Variants in VWC2L observed in about 807,000 individuals in gnomAD.
VWC2L encodes the protein von Willebrand factor C domain-containing protein 2-like.
VWC2L carries 10 observed loss-of-function variants against 21.6 expected under a neutral mutation model. That is an observed-to-expected ratio of 0.46 (90% CI 0.29 to 0.78). The LOEUF is 0.78. VWC2L is among the 30% of genes least tolerant of loss of function. The pLI is 0.10. For missense variants in VWC2L, 209 were observed against 277.1 expected, an observed-to-expected ratio of 0.75 and a Z score of 1.74; for synonymous variants, 96 against 94.3, an observed-to-expected ratio of 1.02 and a Z score of -0.10.
At chr2:214,571,909 C>A (rs1017673613) in intron 3 of VWC2L, among the ~76,000 whole-genome samples, 1 of 152,130 alleles carries the variant, frequency 6.6e-6, no homozygotes, top group Non-Finnish European at 1.5e-5. Context: ...CAGTCAGCCT[C>A]CCCAGTATCT....
chr2:214,525,440 C>G (rs1434004264), intron 3 of VWC2L: 1 of 152,112 alleles, frequency 6.6e-6, no homozygotes, highest in East Asian at 1.9e-4. Context: ...GAGGTTGTTT[C>G]CAGAGTCAAT....
At chr2:214,469,296 A>G (rs1040837890) in intron 3 of VWC2L, among the ~76,000 whole-genome samples, 7 of 152,178 alleles carry the variant, frequency 4.6e-5, no homozygotes. Flanking sequence ...CCTCCTCACT[A>G]AAAGCTCCTT....
At position 214,416,903 on chromosome 2, in the gene VWC2L, TAA is replaced by T. The variant is rs1405460114; in HGVS notation, c.390+2321_390+2322del. Among the ~76,000 whole-genome samples, 1,212 of 152,260 alleles carry T rather than the reference TAA, an allele frequency of 8.0e-3. 16 individuals carry two copies. Among genetic ancestry groups the T allele is most frequent in the African/African-American group, 0.026 (1,094 of 41,572 alleles). On this transcript the variant is annotated intron_variant, in intron 2 of 3. Transcript: ENST00000312504. ...AAATAAATGATTGTCCCCTCCTTCTTAACTCTAATATCCAGGGATTTACTCTA... is the reference window on the plus strand; with the variant it reads ...AAATAAATGATTGTCCCCTCCTTCTTCTCTAATATCCAGGGATTTACTCTA...
intron 3 of VWC2L, among the ~76,000 whole-genome samples, chr2:214,479,282 A>G (rs964244749): frequency 5.9e-5 from 9 of 152,352 alleles, no homozygotes; most frequent in East Asian, 3.9e-4. Context: ...AATCCTTTCC[A>G]TAAAAATATC....
At chr2:214,541,387 T>C (rs1689624152) in intron 3 of VWC2L, among the ~76,000 whole-genome samples, 1 of 152,214 alleles carries the variant, frequency 6.6e-6, no homozygotes, top group South Asian at 2.1e-4. Flanking sequence ...ATCTGTGGAC[T>C]CCTAATCCCA....
intron 3 of VWC2L, among the ~76,000 whole-genome samples, chr2:214,515,736 G>A (rs1442234505): frequency 2.0e-5 from 3 of 151,974 alleles, no homozygotes; most frequent in African/African-American, 4.8e-5. Flanking sequence ...TGTATTTTCA[G>A]TAGAGATGGG....
At chr2:214,466,274 T>G (rs1703216356) in intron 3 of VWC2L, among the ~76,000 whole-genome samples, 1 of 151,786 alleles carries the variant, frequency 6.6e-6, no homozygotes, top group African/African-American at 2.4e-5. Flanking sequence ...GGGTTGACAT[T>G]TTTTTTTCTT....
intron 3 of VWC2L, among the ~76,000 whole-genome samples, chr2:214,480,875 A>G (rs1256822513): frequency 1.9e-5 from 2 of 105,818 alleles, no homozygotes; most frequent in East Asian, 6.9e-4. Context: ...AAAAAAAAAA[A>G]AAAAAAAAAA....
chr2:214,460,612 T>G (rs1703125636), intron 3 of VWC2L, among the ~76,000 whole-genome samples: 1 of 152,208 alleles, frequency 6.6e-6, no homozygotes, highest in Non-Finnish European at 1.5e-5. Flanking sequence ...ATTCCAGGAT[T>G]CATTTGGTTC....
chr2:214,533,461 C>T (rs1256228520), intron 3 of VWC2L, among the ~76,000 whole-genome samples: 1 of 151,656 alleles, frequency 6.6e-6, no homozygotes, highest in Non-Finnish European at 1.5e-5. Flanking sequence ...TGCTATCTAA[C>T]TTCCACTTTG....
At chr2:214,535,028 G>A (rs1021285666) in intron 3 of VWC2L, among the ~76,000 whole-genome samples, 4 of 151,958 alleles carry the variant, frequency 2.6e-5, no homozygotes, top group South Asian at 2.1e-4. Context: ...ACGGATAGGC[G>A]GAATGGAATC....
At position 214,517,015 on chromosome 2, in the gene VWC2L, C is replaced by G. The variant is rs1008229965; in HGVS notation, c.521-58657C>G. ...TCTCACTCTCATTCTCACTTTTGCTCTCTCCCCTGCATCATCAATGTTTTT... is the reference window on the plus strand; with the variant it reads ...TCTCACTCTCATTCTCACTTTTGCTGTCTCCCCTGCATCATCAATGTTTTT... On this transcript the variant is annotated intron_variant, in intron 3 of 3. Coordinates refer to ENST00000312504, the MANE Select transcript of VWC2L (RefSeq NM_001080500.4). Among the ~76,000 whole-genome samples, 26 of 152,338 alleles carry G rather than the reference C, an allele frequency of 1.7e-4. 1 individual carries two copies. In the East Asian group the frequency reaches 5.0e-3, roughly 29 times the overall value.
intron 3 of VWC2L, among the ~76,000 whole-genome samples, chr2:214,468,421 T>C (rs1703257046): frequency 6.6e-6 from 1 of 152,190 alleles, no homozygotes; most frequent in Non-Finnish European, 1.5e-5. Flanking sequence ...AGCTTTCACA[T>C]CCAGATTTTT....
At chr2:214,562,689 G>C (rs1322097257) in intron 3 of VWC2L, among the ~76,000 whole-genome samples, 1 of 152,198 alleles carries the variant, frequency 6.6e-6, no homozygotes, top group Non-Finnish European at 1.5e-5. Context: ...ACTGGCATGA[G>C]ATGGTTGGCA....
intron 3 of VWC2L, among the ~76,000 whole-genome samples, chr2:214,464,075 A>C (rs1183000851): frequency 6.6e-6 from 1 of 152,100 alleles, no homozygotes; most frequent in Non-Finnish European, 1.5e-5. Context: ...CAATTTTATC[A>C]AGCATCCTGA....
At chr2:214,497,414 T>A (rs571195949) in intron 3 of VWC2L, among the ~76,000 whole-genome samples, 1 of 152,332 alleles carries the variant, frequency 6.6e-6, no homozygotes, top group East Asian at 1.9e-4. Context: ...TAAATTCAAC[T>A]GTTTTCTTAA....
intron 2 of VWC2L, among the ~76,000 whole-genome samples, chr2:214,434,649 C>G (rs1481790739): frequency 6.6e-6 from 1 of 152,132 alleles, no homozygotes; most frequent in Non-Finnish European, 1.5e-5. Context: ...AAAAACAAGT[C>G]TTGCTTCATA....
At chr2:214,561,783 ATT>A (rs1689976032) in intron 3 of VWC2L, among the ~76,000 whole-genome samples, 8 of 91,002 alleles carry the variant, frequency 8.8e-5, no homozygotes, top group African/African-American at 3.7e-4. Context: ...CTCAAAAAAA[ATT>A]ATATATATAT....
At chr2:214,421,883 A>ATTTT (rs1574555783) in intron 2 of VWC2L, among the ~76,000 whole-genome samples, 1 of 88,354 alleles carries the variant, frequency 1.1e-5, no homozygotes, top group African/African-American at 5.8e-5. Flanking sequence ...TATTTCCTAC[A>ATTTT]TCTTTTTTTT....
Sources: allele counts gnomAD v4.1 joint callset (sites outside exome capture counted in the v4.1 genomes callset), GRCh38; gene constraint gnomAD v4.1.1; transcripts MANE v1.5; gene names NCBI Gene and HGNC (gene_info 2026-07-23, HGNC 2026-07-21).